SAMD5: variants seen among roughly 807,000 people sequenced by gnomAD.
The protein encoded by SAMD5 is sterile alpha motif domain containing 5.
A neutral mutation model predicts 11.3 loss-of-function variants in SAMD5; 13 were observed. The ratio of observed to expected loss-of-function variants is 1.15; its 90% CI spans 0.75 to 1.83. The LOEUF (loss-of-function observed/expected upper bound fraction) is 1.83, where lower values mean the gene tolerates loss of function less well. SAMD5 is among the 40% of genes most tolerant of loss of function. SAMD5 has a pLI of 0.00. For missense variants in SAMD5, 255 were observed against 239.1 expected, an observed-to-expected ratio of 1.07 and a Z score of -0.44; for synonymous variants, 129 against 111.3, an observed-to-expected ratio of 1.16 and a Z score of -1.00.
the SAMD5 span, among the ~76,000 whole-genome samples, chr6:147,745,068 A>C: frequency 1.3e-5 from 2 of 152,182 alleles, no homozygotes; most frequent in Admixed American, 6.5e-5. Context: ...GTTACCATTA[A>C]AATTTTTAAG....
chr6:147,513,695 G>A (rs977318819), intron 1 of SAMD5, among the ~76,000 whole-genome samples: 4 of 152,116 alleles, frequency 2.6e-5, no homozygotes, highest in Non-Finnish European at 4.4e-5. Context: ...CAAAGCAAAA[G>A]GTAAGCTCTA....
In SAMD5 at chr6:147,639,604, A is replaced by G. The variant is rs541373247; in HGVS notation, c.163-97713A>G. ...GCAACATTCTCCTCTTTTGTTAGCC[A>G]GGAATCCTGGAAGAATAGCAAGAGC... On this transcript the variant is annotated intron_variant, in intron 1 of 1. Transcript: ENST00000566741. Among the ~76,000 whole-genome samples, 37 of 152,352 alleles carry G rather than the reference A, an allele frequency of 2.4e-4. No individual in the cohort carries two copies. The Middle Eastern group carries it at 0.017, about 70-fold the overall frequency.
intron 1 of SAMD5, among the ~76,000 whole-genome samples, chr6:147,665,530 A>T (rs1403850043): frequency 6.6e-6 from 1 of 152,224 alleles, no homozygotes; most frequent in Non-Finnish European, 1.5e-5. Context: ...ACAGGTGCTT[A>T]TGGAATTCCT....
chr6:147,593,340 A>G (rs750355783), intron 1 of SAMD5, among the ~76,000 whole-genome samples: 4 of 152,178 alleles, frequency 2.6e-5, no homozygotes, highest in Non-Finnish European at 4.4e-5. Flanking sequence ...TGTATGATAA[A>G]TGTATCATCA....
the SAMD5 span, among the ~76,000 whole-genome samples, chr6:147,894,088 T>C: frequency 4.2e-5 from 5 of 120,426 alleles, no homozygotes; most frequent in East Asian, 1.1e-3. Context: ...ATGTGTCTAA[T>C]GCCACTGGTT....
intron 1 of SAMD5, among the ~76,000 whole-genome samples, chr6:147,539,048 C>G (rs962016375): frequency 6.6e-6 from 1 of 152,072 alleles, no homozygotes; most frequent in Admixed American, 6.6e-5. Context: ...AAGGGTGGAG[C>G]GCTTGGAGCA....
the SAMD5 span, among the ~76,000 whole-genome samples, chr6:147,760,013 G>A: frequency 6.6e-6 from 1 of 151,922 alleles, no homozygotes; most frequent in Non-Finnish European, 1.5e-5. Context: ...AAATAAATAG[G>A]ACTGTGTCTA....
intron 1 of SAMD5, among the ~76,000 whole-genome samples, chr6:147,551,499 A>G (rs183840185): frequency 3.3e-5 from 5 of 152,120 alleles, no homozygotes; most frequent in African/African-American, 7.2e-5. Context: ...TGCGAGTGTG[A>G]TTTTTAACTA....
chr6:147,646,961 A>C (rs940147758), intron 1 of SAMD5, among the ~76,000 whole-genome samples: 2 of 148,190 alleles, frequency 1.3e-5, no homozygotes, highest in Admixed American at 6.8e-5. Context: ...AACATGGTGA[A>C]ACCTCATCTC....
chr6:147,896,536 T>C, the SAMD5 span, among the ~76,000 whole-genome samples: 1 of 151,982 alleles, frequency 6.6e-6, no homozygotes, highest in African/African-American at 2.4e-5. Context: ...CCACATGATC[T>C]GGCCAGCAGG....
At chr6:147,603,932 A>G (rs896656123) in intron 1 of SAMD5, among the ~76,000 whole-genome samples, 3 of 151,898 alleles carry the variant, frequency 2.0e-5, no homozygotes, top group Non-Finnish European at 2.9e-5. Context: ...CGTTGATACT[A>G]CTCTCTAACA....
At chr6:147,654,287 C>G (rs1171465042) in intron 1 of SAMD5, among the ~76,000 whole-genome samples, 1 of 152,022 alleles carries the variant, frequency 6.6e-6, no homozygotes, top group African/African-American at 2.4e-5. Context: ...ATGGAGAGAC[C>G]AGTAAATTCC....
At chr6:147,765,060 T>G in the SAMD5 span, among the ~76,000 whole-genome samples, 1 of 152,224 alleles carries the variant, frequency 6.6e-6, no homozygotes, top group Non-Finnish European at 1.5e-5. Flanking sequence ...CTGTGCAAAA[T>G]GTACAACGTA....
chr6:147,866,351 T>C, the SAMD5 span, among the ~76,000 whole-genome samples: 2 of 152,194 alleles, frequency 1.3e-5, no homozygotes, highest in Non-Finnish European at 2.9e-5. Context: ...ACACCAACAA[T>C]ACATGTGGTT....
chr6:147,785,168 C>T, the SAMD5 span, among the ~76,000 whole-genome samples: 1 of 152,178 alleles, frequency 6.6e-6, no homozygotes, highest in African/African-American at 2.4e-5. Flanking sequence ...CCACATACCT[C>T]TTATTCTCCA....
chr6:147,581,480 A>C (rs1789296881), intron 1 of SAMD5, among the ~76,000 whole-genome samples: 4 of 152,168 alleles, frequency 2.6e-5, no homozygotes, highest in Admixed American at 2.6e-4. Context: ...GTGATGAAAC[A>C]TAGCCAGAGC....
chr6:147,550,824 G>A (rs557466746), intron 1 of SAMD5, among the ~76,000 whole-genome samples: 2 of 152,198 alleles, frequency 1.3e-5, no homozygotes, highest in African/African-American at 2.4e-5. Context: ...TGGGGTCACC[G>A]TTAGACTAAA....
chr6:147,805,300 T>C, the SAMD5 span, among the ~76,000 whole-genome samples: 2 of 152,216 alleles, frequency 1.3e-5, no homozygotes, highest in African/African-American at 4.8e-5. Flanking sequence ...GCAGCATAAG[T>C]CTTCCATTTC....
the SAMD5 span, among the ~76,000 whole-genome samples, chr6:147,892,204 T>C: frequency 6.6e-6 from 1 of 152,240 alleles, no homozygotes; most frequent in South Asian, 2.1e-4. Context: ...GAGCAGTTAC[T>C]GTGTCAGGCA....
Sources: gnomAD v4.1 joint callset for allele counts (sites outside exome capture counted in the v4.1 genomes callset) on GRCh38, gnomAD v4.1.1 for gene constraint, MANE v1.5 for transcripts, NCBI Gene and HGNC (gene_info 2026-07-23, HGNC 2026-07-21) for gene names.